Variants in SFMBT1 observed in about 807,000 individuals in gnomAD.
SFMBT1 encodes the protein Scm like with four mbt domains 1, also known as scm-like with four MBT domains protein 1.
A neutral mutation model predicts 108.7 loss-of-function variants in SFMBT1; 32 were observed. That is an observed-to-expected ratio of 0.29 (90% confidence interval 0.22 to 0.40). The LOEUF is 0.40. SFMBT1 is among the 10% of genes least tolerant of loss of function. The pLI, the probability that SFMBT1 is intolerant of heterozygous loss-of-function variation, is 1.00. For missense variants in SFMBT1, 816 were observed against 1,059.6 expected, an observed-to-expected ratio of 0.77 and a Z score of 3.19; for synonymous variants, 348 against 369.5, an observed-to-expected ratio of 0.94 and a Z score of 0.67.
chr3:53,010,807 G>A (rs1698915481), intron 1 of SFMBT1, among the ~76,000 whole-genome samples: 1 of 152,104 alleles, frequency 6.6e-6, no homozygotes, highest in Non-Finnish European at 1.5e-5. Context: ...CACAATATTT[G>A]TTATACCATA....
At chr3:53,003,748 C>T (rs1466776425) in intron 1 of SFMBT1, among the ~76,000 whole-genome samples, 1 of 111,080 alleles carries the variant, frequency 9.0e-6, no homozygotes, top group Non-Finnish European at 1.9e-5. Context: ...TTGTCAGTAC[C>T]ATAGAAAGGT....
intron 1 of SFMBT1, among the ~76,000 whole-genome samples, chr3:53,007,079 T>C (rs970428645): frequency 1.3e-5 from 2 of 152,214 alleles, no homozygotes; most frequent in African/African-American, 2.4e-5. Flanking sequence ...TCACTAAATA[T>C]GTGACAGATG....
intron 1 of SFMBT1, among the ~76,000 whole-genome samples, chr3:52,999,952 G>A (rs1469051660): frequency 1.3e-5 from 2 of 150,010 alleles, no homozygotes; most frequent in Non-Finnish European, 3.0e-5. Flanking sequence ...TCTGCCTCCC[G>A]GGTTCAAGCA....
chr3:53,012,025 T>C (rs1210776975), intron 1 of SFMBT1, among the ~76,000 whole-genome samples: 3 of 152,146 alleles, frequency 2.0e-5, no homozygotes, highest in Non-Finnish European at 4.4e-5. Context: ...TTTTTAAGTA[T>C]CTATGTGCCA....
rs116555370 is a variant in SFMBT1, at chr3:52,959,522, A to T, written c.29-5111T>A. Reference sequence around the variant, plus strand: ...ACAATGAGGTTCCTGCCATTCTTTAATCATACTCTTTCTACAAACCCTCTA... The same window carrying T: ...ACAATGAGGTTCCTGCCATTCTTTATTCATACTCTTTCTACAAACCCTCTA... On this transcript the variant is annotated intron_variant, in intron 2 of 20. Coordinates refer to ENST00000394752, the MANE Select transcript of SFMBT1 (RefSeq NM_016329.4). 9.0e-3 allele frequency among the ~76,000 whole-genome samples: 1,370 copies of T among 152,258 alleles called. 16 individuals carry two copies. The highest frequency in any genetic ancestry group is 0.031 in the African/African-American group (1,279 of 41,546).
rs1702017077 is a variant in SFMBT1 at position 52,904,417 on chromosome 3, CA to C, written c.*718del. ...GCCCCATATAATGTTTTTAAGAAAG[CA>C]AACAGTTTCCCCCCCTCCAAATTCT... On this transcript the variant is annotated 3_prime_UTR_variant, in exon 21 of 21. Transcript: ENST00000394752. 6.6e-6 allele frequency: 1 copy of C among 152,122 alleles called. No individual in the cohort carries two copies. The highest frequency in any genetic ancestry group is 1.5e-5 in the Non-Finnish European group (1 of 68,028). The allele number at this position is 152,122 out of a possible 1,614,324, so 9.4% of individuals were successfully genotyped here.
chr3:52,981,394 G>T (rs538210930), intron 1 of SFMBT1, among the ~76,000 whole-genome samples: 1 of 151,926 alleles, frequency 6.6e-6, no homozygotes, highest in Non-Finnish European at 1.5e-5. Flanking sequence ...ACAGGGTCTT[G>T]TTCTGTCACC....
chr3:53,006,715 AT>A (rs1698756864), intron 1 of SFMBT1, among the ~76,000 whole-genome samples: 1 of 152,134 alleles, frequency 6.6e-6, no homozygotes, highest in South Asian at 2.1e-4. Flanking sequence ...GCATCTATGA[AT>A]TTTGGATATG....
chr3:52,947,177 G>C (rs1703399131), intron 3 of SFMBT1, among the ~76,000 whole-genome samples: 1 of 150,774 alleles, frequency 6.6e-6, no homozygotes, highest in Non-Finnish European at 1.5e-5. Context: ...GAGTGCAGTG[G>C]CGTCATCTCT....
chr3:52,923,093 T>C (rs955089330), intron 10 of SFMBT1, among the ~76,000 whole-genome samples: 3 of 152,102 alleles, frequency 2.0e-5, no homozygotes, highest in African/African-American at 4.8e-5. Flanking sequence ...CATTCTTAAA[T>C]ATAGCAACAA....
At chr3:52,996,951 C>G (rs1048497107) in intron 1 of SFMBT1, among the ~76,000 whole-genome samples, 8 of 149,828 alleles carry the variant, frequency 5.3e-5, no homozygotes, top group African/African-American at 1.9e-4. Flanking sequence ...CGCCTGCAGT[C>G]CCAGCTACTC....
At chr3:53,010,584 T>C (rs1698908317) in intron 1 of SFMBT1, among the ~76,000 whole-genome samples, 1 of 152,208 alleles carries the variant, frequency 6.6e-6, no homozygotes, top group South Asian at 2.1e-4. Context: ...GGGGTAATTG[T>C]GGAGCCATGT....
At chr3:52,966,945 A>G (rs1393517357) in intron 2 of SFMBT1, among the ~76,000 whole-genome samples, 2 of 148,474 alleles carry the variant, frequency 1.3e-5, no homozygotes, top group South Asian at 2.2e-4. Flanking sequence ...GAAGATTGTG[A>G]TAAGTTATAT....
intron 1 of SFMBT1, among the ~76,000 whole-genome samples, chr3:53,011,432 A>G (rs1417326402): frequency 6.6e-6 from 1 of 152,182 alleles, no homozygotes; most frequent in Non-Finnish European, 1.5e-5. Context: ...GTTCTATAGT[A>G]CACAAACAGC....
intron 1 of SFMBT1, among the ~76,000 whole-genome samples, chr3:53,021,830 A>T (rs1305011674): frequency 6.6e-6 from 1 of 152,224 alleles, no homozygotes; most frequent in Non-Finnish European, 1.5e-5. Context: ...AAGCACGCAG[A>T]AGGGGAAAAT....
intron 2 of SFMBT1, among the ~76,000 whole-genome samples, chr3:52,966,331 A>G (rs1575408017): frequency 1.4e-5 from 2 of 140,084 alleles, no homozygotes; most frequent in East Asian, 4.1e-4. Context: ...TCAAAAGAAA[A>G]AAAAAAGGAC....
At chr3:53,041,003 TG>T (rs1700033258) in intron 1 of SFMBT1, among the ~76,000 whole-genome samples, 1 of 97,994 alleles carries the variant, frequency 1.0e-5, no homozygotes. Flanking sequence ...TTTTTTTTTT[TG>T]TAGAGACAGG....
intron 1 of SFMBT1, among the ~76,000 whole-genome samples, chr3:52,992,315 G>A (rs1338492470): frequency 1.3e-5 from 2 of 152,098 alleles, no homozygotes; most frequent in Admixed American, 6.6e-5. Flanking sequence ...ATAAAGTATT[G>A]TTTATAATAC....
chr3:52,907,486 C>G (rs1468601527), intron 18 of SFMBT1, 69 bp downstream of exon 18: 2 of 1,546,074 alleles, frequency 1.3e-6, no homozygotes, highest in African/African-American at 1.4e-5. Context: ...TGCAGGTATT[C>G]TGTGTCCATA....
Sources: gnomAD v4.1 joint callset for allele counts (sites outside exome capture counted in the v4.1 genomes callset) on GRCh38, gnomAD v4.1.1 for gene constraint, MANE v1.5 for transcripts, NCBI Gene and HGNC (gene_info 2026-07-23, HGNC 2026-07-21) for gene names.